Variants in DPF2 observed in about 807,000 individuals in gnomAD.
DPF2 encodes the protein double PHD fingers 2, also known as zinc finger protein ubi-d4.
DPF2 carries 10 observed loss-of-function variants against 59.6 expected under a neutral mutation model. The ratio of observed to expected loss-of-function variants is 0.17; its 90% CI spans 0.10 to 0.28. The LOEUF (loss-of-function observed/expected upper bound fraction) is 0.28, where lower values mean the gene tolerates loss of function less well. Among genes scored for constraint, DPF2 ranks in the 10% least tolerant of loss-of-function variants. The probability of loss-of-function intolerance (pLI) is 1.00; values close to 1 mark genes in which losing one functional copy is unlikely to be tolerated. For missense variants in DPF2, 315 were observed against 509.4 expected (o/e 0.62, Z 3.67); for synonymous variants, 189 against 190.6 (o/e 0.99, Z 0.07).
intron 6 of DPF2, chr11:65,344,436 C>T: frequency 4.1e-6 from 3 of 733,070 alleles, no homozygotes; most frequent in South Asian, 1.8e-5. Context: ...TTTCTGTCTG[C>T]CTTGCCCCAC....
chr11:65,339,253 A>C (rs537971358), intron 1 of DPF2, among the ~76,000 whole-genome samples: 26 of 152,168 alleles, frequency 1.7e-4, no homozygotes, highest in African/African-American at 4.6e-4. Flanking sequence ...AAAAAAAAAA[A>C]AAAACAAGAT....
chr11:65,351,790 T>A lies in DPF2; in HGVS notation c.*31T>A. The A allele has an allele frequency of 6.2e-7, 1 of 1,602,534 alleles. No homozygotes were observed. The highest frequency in any genetic ancestry group is 8.5e-7 in the Non-Finnish European group (1 of 1,171,116). ...CCACCCACCTGCTCCCCGACATATC[T>A]AAGGCTGTTTCTCTCCTCCACTTCA... On this transcript the variant is annotated 3_prime_UTR_variant, in exon 11 of 11. Coordinates refer to ENST00000528416, the MANE Select transcript of DPF2 (RefSeq NM_006268.5).
At chr11:65,346,514 T>G (rs1590937207) in intron 9 of DPF2, 155 bp downstream of exon 9, 1 of 641,186 alleles carries the variant, frequency 1.6e-6, no homozygotes, top group East Asian at 2.8e-5. Context: ...GAACTCTGAT[T>G]TGTTGCCAGA....
At position 65,344,546 on chromosome 11, in the gene DPF2, CCTT is replaced by C. The variant is rs558414807; in HGVS notation, c.637+483_637+485del. Reference sequence around the variant, plus strand: ...TGCTCCTGTCTCAAGTGTATCAAGGCCTTCTTCTCATGACTTTTCTTTCTGTCT... The same window carrying C: ...TGCTCCTGTCTCAAGTGTATCAAGGCCTTCTCATGACTTTTCTTTCTGTCT... On this transcript the variant is annotated intron_variant, in intron 6 of 10. Transcript: ENST00000528416. 925 of 1,534,998 alleles carry C rather than the reference CCTT, an allele frequency of 6.0e-4. 1 individual carries two copies. Among genetic ancestry groups the C allele is most frequent in the Non-Finnish European group, 7.5e-4 (854 of 1,146,070 alleles).
chr11:65,334,070 G>T, intron 1 of DPF2, 152 bp downstream of exon 1: 1 of 1,148,970 alleles, frequency 8.7e-7, no homozygotes, highest in Non-Finnish European at 1.2e-6. Flanking sequence ...GGAGACTCCG[G>T]AGAAGACGTT....
chr11:65,346,621 C>G (rs1854538920), intron 9 of DPF2: 2 of 401,916 alleles, frequency 5.0e-6, no homozygotes, highest in African/African-American at 2.1e-5. Flanking sequence ...TACATTCTTA[C>G]AGGAACAACA....
chr11:65,348,953 C>T (rs747240416), intron 10 of DPF2, 22 bp downstream of exon 10: 60 of 1,611,512 alleles, frequency 3.7e-5, no homozygotes, highest in Admixed American at 5.0e-5. Flanking sequence ...AGATCTTTTA[C>T]TCAGAACAAT....
In DPF2 at chr11:65,353,812, G is replaced by C. The variant is rs1854790978; in HGVS notation, c.*2053G>C. 1.3e-5 allele frequency among the ~76,000 whole-genome samples: 2 copies of C among 152,182 alleles called. No individual in the cohort carries two copies. The highest frequency in any genetic ancestry group is 4.8e-5 in the African/African-American group (2 of 41,426). On this transcript the variant is annotated 3_prime_UTR_variant, in exon 11 of 11. Coordinates refer to ENST00000528416, the MANE Select transcript of DPF2 (RefSeq NM_006268.5). ...AAATAAGCAGGGTGCTCTGGGCTGG[G>C]GATTGTGTGAGGAGCAGAGCGCAGC...
At chr11:65,334,952 C>T (rs982412596) in intron 1 of DPF2, among the ~76,000 whole-genome samples, 1 of 152,126 alleles carries the variant, frequency 6.6e-6, no homozygotes, top group Non-Finnish European at 1.5e-5. Context: ...TTGTCGTGGC[C>T]TGAGCCCCAC....
chr11:65,338,221 A>G (rs931955734), intron 1 of DPF2, among the ~76,000 whole-genome samples: 5 of 152,222 alleles, frequency 3.3e-5, no homozygotes, highest in African/African-American at 4.8e-5. Flanking sequence ...TGCTGGGATT[A>G]TAAGCATGAG....
rs1450968231 is a variant in DPF2, at chr11:65,351,827, C to T, written c.*68C>T. 5 of 1,521,052 alleles carry T rather than the reference C, an allele frequency of 3.3e-6. No individual in the cohort carries two copies. The highest frequency in any genetic ancestry group is 1.4e-5 in the African/African-American group (1 of 72,910). 94.2% of individuals were successfully genotyped at this position (1,521,052 alleles called of 1,614,324 possible). On this transcript the variant is annotated 3_prime_UTR_variant, in exon 11 of 11. Coordinates refer to ENST00000528416, the MANE Select transcript of DPF2 (RefSeq NM_006268.5). The stretch of plus-strand genomic sequence containing the variant: ...TCTCCTCCACTTCATATTTCATACC[C>T]ATCTTTCCCTTCTTCCTCCTCTCCT...
intron 6 of DPF2, chr11:65,344,492 T>G: frequency 7.3e-7 from 1 of 1,363,032 alleles, no homozygotes; most frequent in South Asian, 1.3e-5. Context: ...GGGGTTTCTC[T>G]CTCGTTTGCT....
At chr11:65,350,524 C>A (rs962622128) in intron 10 of DPF2, among the ~76,000 whole-genome samples, 5 of 151,198 alleles carry the variant, frequency 3.3e-5, no homozygotes, top group African/African-American at 1.2e-4. Flanking sequence ...CCTGGGACTA[C>A]AGGCATGCCA....
chr11:65,337,528 GAGAGAGAGAGAGAGAGAGA>G (rs1854227777), intron 1 of DPF2, among the ~76,000 whole-genome samples: 1 of 137,278 alleles, frequency 7.3e-6, no homozygotes, highest in African/African-American at 2.7e-5. Flanking sequence ...GAGAGAGAGA[GAGAGAGAGAGAGAGAGAGA>G]ACAATGTTAA....
Position 65,346,254 on chromosome 11 carries a change from A to G in DPF2, c.912A>G (p.Pro304=), listed in dbSNP as rs372536184. ...TCACTTCCCCCACTACAGGGCATCC[A>G]TCTTGCCTCCAATTTACCCCCGTGA... is the stretch of plus-strand genomic sequence containing the variant. ...SCSDCGRSGH[P]SCLQFTPVMM... The change falls in exon 9 of 11, where the codon CCA becomes CCG. Residue 304 remains proline (P), a synonymous_variant. Coordinates refer to ENST00000528416, the MANE Select transcript of DPF2 (RefSeq NM_006268.5). 148 of 1,613,714 alleles carry G rather than the reference A, an allele frequency of 9.2e-5. No individual in the cohort carries two copies. Among genetic ancestry groups the G allele is most frequent in the Middle Eastern group, 1.6e-4 (1 of 6,068 alleles).
At chr11:65,351,328 A>G (rs1166207845) in intron 10 of DPF2, among the ~76,000 whole-genome samples, 4 of 152,226 alleles carry the variant, frequency 2.6e-5, no homozygotes, top group Non-Finnish European at 4.4e-5. Context: ...TGTGTTTTTT[A>G]GTGAAACTAC....
At chr11:65,351,454 C>T (rs1271503579) in intron 10 of DPF2, among the ~76,000 whole-genome samples, 2 of 152,186 alleles carry the variant, frequency 1.3e-5, no homozygotes, top group Non-Finnish European at 2.9e-5. Context: ...ATTCTGAAGT[C>T]CTCTAGATGA....
intron 9 of DPF2, 168 bp downstream of exon 9, chr11:65,346,527 T>C (rs923498690): frequency 5.2e-5 from 32 of 610,594 alleles, no homozygotes; most frequent in Middle Eastern, 3.3e-4. Context: ...TTGCCAGATA[T>C]ATATTGAGTG....
At position 65,335,074 on chromosome 11, in the gene DPF2, G is replaced by GGTTT. The variant is rs1445420122; in HGVS notation, c.32+1161_32+1164dup. On this transcript the variant is annotated intron_variant, in intron 1 of 10. Coordinates refer to ENST00000528416, the MANE Select transcript of DPF2 (RefSeq NM_006268.5). The stretch of plus-strand genomic sequence containing the variant: ...AGCTAAGTGCCTTTCCTCCTCTTGT[G>GGTTT]GTTTGTTTTTTTTTTTTTTAAGTTG... 1.7e-4 allele frequency among the ~76,000 whole-genome samples: 8 copies of GGTTT among 46,464 alleles called. No individual in the cohort carries two copies. In the Admixed American group the frequency reaches 2.4e-3, roughly 14 times the overall value. The allele number at this position is 46,464 out of a possible 152,430, so 30.5% of individuals were successfully genotyped here. A position where few individuals can be genotyped will look rare whatever the true frequency, so the allele number is the denominator to read the frequency against.
Sources: gnomAD v4.1 joint callset for allele counts (sites outside exome capture counted in the v4.1 genomes callset) on GRCh38, gnomAD v4.1.1 for gene constraint, MANE v1.5 for transcripts, NCBI Gene and HGNC (gene_info 2026-07-23, HGNC 2026-07-21) for gene names.